Variants in CTNNA3 observed in about 807,000 individuals in gnomAD.
CTNNA3 encodes the protein catenin alpha-3.
A neutral mutation model predicts 95.7 loss-of-function variants in CTNNA3; 76 were observed. The ratio of observed to expected loss-of-function variants is 0.79; its 90% CI spans 0.66 to 0.96. The LOEUF is 0.96. Ranked by LOEUF, CTNNA3 falls within the 40% of genes least tolerant of loss-of-function variation. CTNNA3 has a pLI of 0.00. For synonymous variants in CTNNA3, 431 were observed against 374.4 expected (o/e 1.15, Z -1.74); for missense variants, 1,191 against 1,089.8 (o/e 1.09, Z -1.31).
At chr10:66,135,995 G>A (rs1459571564) in intron 13 of CTNNA3, among the ~76,000 whole-genome samples, 4 of 150,732 alleles carry the variant, frequency 2.7e-5, no homozygotes, top group Admixed American at 2.6e-4. Flanking sequence ...TCCACCTCCT[G>A]TGTTCATGCC....
At chr10:65,961,622 A>G (rs960951268) in intron 17 of CTNNA3, among the ~76,000 whole-genome samples, 2 of 152,126 alleles carry the variant, frequency 1.3e-5, no homozygotes, top group Non-Finnish European at 2.9e-5. Flanking sequence ...TCTCTTTTTC[A>G]TAGAAACAGA....
intron 3 of CTNNA3, among the ~76,000 whole-genome samples, chr10:67,569,594 G>A (rs1024469249): frequency 1.3e-5 from 2 of 152,208 alleles, no homozygotes; most frequent in South Asian, 2.1e-4. Flanking sequence ...CAGCTATAGC[G>A]ATGGCACCAC....
At chr10:66,055,779 G>T (rs2080070371) in intron 15 of CTNNA3, among the ~76,000 whole-genome samples, 1 of 151,936 alleles carries the variant, frequency 6.6e-6, no homozygotes, top group Non-Finnish European at 1.5e-5. Flanking sequence ...GAAATTAGCT[G>T]GGTATGGTGG....
chr10:66,352,531 C>G (rs1464208593), intron 12 of CTNNA3, among the ~76,000 whole-genome samples: 1 of 151,944 alleles, frequency 6.6e-6, no homozygotes, highest in Non-Finnish European at 1.5e-5. Flanking sequence ...TGCGATAGGG[C>G]CTTGAACTCA....
intron 13 of CTNNA3, among the ~76,000 whole-genome samples, chr10:66,171,593 A>G (rs1564726610): frequency 6.6e-6 from 1 of 152,046 alleles, no homozygotes; most frequent in Non-Finnish European, 1.5e-5. Context: ...TTAAATGTGC[A>G]CAATCTATGG....
intron 5 of CTNNA3, among the ~76,000 whole-genome samples, chr10:67,287,725 G>A (rs1215993662): frequency 6.6e-6 from 1 of 152,106 alleles, no homozygotes; most frequent in Non-Finnish European, 1.5e-5. Context: ...TCTAAACTTG[G>A]ATATTTGGAA....
chr10:67,299,444 T>C (rs973189196), intron 5 of CTNNA3, among the ~76,000 whole-genome samples: 1 of 152,202 alleles, frequency 6.6e-6, no homozygotes, highest in East Asian at 1.9e-4. Flanking sequence ...TGGTGGCATT[T>C]AGAGTCTCTG....
chr10:66,110,458 C>A (rs935721799), intron 13 of CTNNA3, among the ~76,000 whole-genome samples: 5 of 151,662 alleles, frequency 3.3e-5, no homozygotes, highest in Non-Finnish European at 7.4e-5. Flanking sequence ...ACCTAGGTGT[C>A]TTTCATTGGA....
intron 15 of CTNNA3, among the ~76,000 whole-genome samples, chr10:65,998,195 T>G (rs1216632545): frequency 6.6e-6 from 1 of 152,112 alleles, no homozygotes; most frequent in African/African-American, 2.4e-5. Context: ...GTTTCCGGAG[T>G]GAGTGACCAT....
intron 7 of CTNNA3, among the ~76,000 whole-genome samples, chr10:66,814,525 C>A (rs1196506157): frequency 1.3e-5 from 2 of 152,096 alleles, no homozygotes; most frequent in African/African-American, 4.8e-5. Flanking sequence ...CTTTGTGAGG[C>A]CAAGGCAAGC....
chr10:66,431,263 T>A (rs1304846133), intron 11 of CTNNA3, among the ~76,000 whole-genome samples: 2 of 152,134 alleles, frequency 1.3e-5, no homozygotes, highest in African/African-American at 2.4e-5. Flanking sequence ...CTGGAGAGGA[T>A]GTGGAGAAAT....
At chr10:66,797,815 A>G (rs554835008) in intron 7 of CTNNA3, among the ~76,000 whole-genome samples, 3 of 151,856 alleles carry the variant, frequency 2.0e-5, no homozygotes, top group Admixed American at 1.3e-4. Flanking sequence ...TCAGTCTACA[A>G]ATCAAGTTAA....
intron 7 of CTNNA3, among the ~76,000 whole-genome samples, chr10:66,988,052 A>C (rs1489022563): frequency 6.6e-6 from 1 of 152,098 alleles, no homozygotes; most frequent in Admixed American, 6.6e-5. Flanking sequence ...TTTTGTCAAT[A>C]ATTTATTATT....
chr10:67,092,534 C>CAT (rs978321389), intron 7 of CTNNA3, among the ~76,000 whole-genome samples: 2 of 151,774 alleles, frequency 1.3e-5, no homozygotes, highest in African/African-American at 4.8e-5. Context: ...TATGAATGTT[C>CAT]ATATATATAC....
chr10:67,293,723 G>A (rs1018794289), intron 5 of CTNNA3, among the ~76,000 whole-genome samples: 2 of 136,780 alleles, frequency 1.5e-5, no homozygotes, highest in African/African-American at 2.8e-5. Context: ...GTGTCCATGT[G>A]TTCTCATTGT....
At chr10:67,160,817 G>C (rs542347325) in intron 7 of CTNNA3, among the ~76,000 whole-genome samples, 2 of 152,152 alleles carry the variant, frequency 1.3e-5, no homozygotes, top group East Asian at 3.9e-4. Context: ...AAAAATATGT[G>C]GTATATACAT....
chr10:67,060,147 C>T (rs1855678789), intron 7 of CTNNA3, among the ~76,000 whole-genome samples: 1 of 152,036 alleles, frequency 6.6e-6, no homozygotes, highest in Non-Finnish European at 1.5e-5. Flanking sequence ...GAAACCCCAT[C>T]TCCACAAAAA....
chr10:66,904,087 A>C (rs1845878825), intron 7 of CTNNA3, among the ~76,000 whole-genome samples: 1 of 152,152 alleles, frequency 6.6e-6, no homozygotes, highest in Non-Finnish European at 1.5e-5. Context: ...CCTAAGCAAA[A>C]AGAACAAGGT....
intron 15 of CTNNA3, among the ~76,000 whole-genome samples, chr10:66,049,639 A>G (rs1005203292): frequency 3.9e-5 from 6 of 152,200 alleles, no homozygotes; most frequent in African/African-American, 1.4e-4. Context: ...CATGTCTTTT[A>G]TGGGAACATG....
Sources: allele counts gnomAD v4.1 joint callset (sites outside exome capture counted in the v4.1 genomes callset), GRCh38; gene constraint gnomAD v4.1.1; transcripts MANE v1.5; gene names NCBI Gene and HGNC (gene_info 2026-07-23, HGNC 2026-07-21).